GOLGA1: variants seen among roughly 807,000 people sequenced by gnomAD.
GOLGA1 encodes the protein golgin subfamily A member 1.
In GOLGA1, 63 loss-of-function variants were observed where a neutral mutation model predicts 119.7. The ratio of observed to expected loss-of-function variants is 0.53; its 90% CI spans 0.43 to 0.65. The LOEUF (loss-of-function observed/expected upper bound fraction) is 0.65. Among genes scored for constraint, GOLGA1 ranks in the 30% least tolerant of loss-of-function variants. The probability of loss-of-function intolerance (pLI) is 0.00; values close to 1 mark genes in which losing one functional copy is unlikely to be tolerated. For missense variants in GOLGA1, 798 were observed against 912.8 expected, an observed-to-expected ratio of 0.87 and a Z score of 1.62; for synonymous variants, 318 against 333.4, an observed-to-expected ratio of 0.95 and a Z score of 0.50.
At chr9:124,932,881 A>G (rs535835538) in intron 3 of GOLGA1, among the ~76,000 whole-genome samples, 1 of 152,192 alleles carries the variant, frequency 6.6e-6, no homozygotes, top group African/African-American at 2.4e-5. Flanking sequence ...CCTCTTTTGT[A>G]AGAGCACTAA....
rs769975777 is a variant in GOLGA1, at chr9:124,938,749, T to A, written c.-38A>T. ...GCTATCCTGCACAGATGACGAGCTCTCAGTAGTCCTGGTGCCTGTGTTCAG... is the reference window on the plus strand; with the variant it reads ...GCTATCCTGCACAGATGACGAGCTCACAGTAGTCCTGGTGCCTGTGTTCAG... On this transcript the variant is annotated 5_prime_UTR_variant, in exon 3 of 23. Coordinates refer to ENST00000373555, the MANE Select transcript of GOLGA1 (RefSeq NM_002077.4). 1 of 1,582,662 alleles carries A rather than the reference T, an allele frequency of 6.3e-7. No homozygotes were observed. The highest frequency in any genetic ancestry group is 1.4e-5 in the African/African-American group (1 of 73,590).
chr9:124,902,378 C>T (rs1360750487), intron 12 of GOLGA1, among the ~76,000 whole-genome samples: 1 of 151,700 alleles, frequency 6.6e-6, no homozygotes, highest in South Asian at 2.1e-4. Context: ...TCCCAAAGTG[C>T]TGGGATTACA....
At chr9:124,904,756 A>G (rs78939089) in intron 12 of GOLGA1, among the ~76,000 whole-genome samples, 9,189 of 152,176 alleles carry the variant, frequency 0.06, 694 homozygotes, top group East Asian at 0.23. Flanking sequence ...CCTGGCCAAC[A>G]TGGTGAAACC....
intron 12 of GOLGA1, among the ~76,000 whole-genome samples, chr9:124,902,550 GA>G (rs1425876855): frequency 6.6e-6 from 1 of 151,088 alleles, no homozygotes; most frequent in Non-Finnish European, 1.5e-5. Context: ...GCAGTGGCGC[GA>G]TCTCGGCTCA....
chr9:124,907,049 A>G (rs961322297), intron 12 of GOLGA1, among the ~76,000 whole-genome samples: 3 of 152,192 alleles, frequency 2.0e-5, no homozygotes, highest in African/African-American at 7.2e-5. Context: ...ATAAATAGTT[A>G]AAGTCAACCT....
intron 10 of GOLGA1, among the ~76,000 whole-genome samples, chr9:124,917,452 C>T (rs1376255614): frequency 6.6e-6 from 1 of 152,178 alleles, no homozygotes; most frequent in East Asian, 1.9e-4. Flanking sequence ...CATAAAAATA[C>T]AGACTTTTCT....
chr9:124,935,002 G>A (rs1485451620), intron 3 of GOLGA1, among the ~76,000 whole-genome samples: 1 of 152,060 alleles, frequency 6.6e-6, no homozygotes, highest in African/African-American at 2.4e-5. Context: ...GGCTGTGATC[G>A]GGCCACTGCA....
chr9:124,894,159 C>T (rs952794896), intron 15 of GOLGA1, among the ~76,000 whole-genome samples: 1 of 152,198 alleles, frequency 6.6e-6, no homozygotes, highest in African/African-American at 2.4e-5. Flanking sequence ...GCTTTCTGCC[C>T]TGTACTTCCA....
In GOLGA1 at chr9:124,931,377, ATCT is replaced by A. The variant is rs780840817; in HGVS notation, c.162_164del (p.Glu54del). 1 of 1,597,202 alleles carries A rather than the reference ATCT, an allele frequency of 6.3e-7. No homozygotes were observed. The highest frequency in any genetic ancestry group is 8.6e-7 in the Non-Finnish European group (1 of 1,164,708). ...TCCTTCTCAGAAGCTGGGATGAAAG[ATCT>A]TCTCTGGAGCTGCTTCCATCGGAAG... is the stretch of plus-strand genomic sequence containing the variant. On this transcript the variant is annotated inframe_deletion, in exon 4 of 23. Transcript: ENST00000373555.
chr9:124,880,541 G>A lies in GOLGA1; in HGVS notation c.2293C>T (p.Pro765Ser), dbSNP rs1829550638. 1 of 1,596,992 alleles carries A rather than the reference G, an allele frequency of 6.3e-7. No homozygotes were observed. The change falls in exon 23 of 23, where the codon CCA becomes TCA. Residue 765 changes from proline to serine, a missense_variant. By Grantham distance (74) the Pro-to-Ser change is moderately conservative. Coordinates refer to ENST00000373555, the MANE Select transcript of GOLGA1 (RefSeq NM_002077.4). ...TTGGGTAGTCCCCTCTAGGACCATG[G>A]TATCCGAGGGTTTGAGATAGACGGC... ...IRPSISNPRI[P>S]WS is the part of the protein sequence containing the mutation.
Position 124,924,742 on chromosome 9 carries a change from T to A in GOLGA1, c.433-1519A>T, listed in dbSNP as rs369248453. On this transcript the variant is annotated intron_variant, in intron 7 of 22. Transcript: ENST00000373555. ...AAAAAAAAAAAAAAAACTTTAACGATGAAAAGTAGCTTCGAAGACCTATAT... is the reference window on the plus strand; with the variant it reads ...AAAAAAAAAAAAAAAACTTTAACGAAGAAAAGTAGCTTCGAAGACCTATAT... 6.1e-5 allele frequency among the ~76,000 whole-genome samples: 9 copies of A among 148,700 alleles called. No individual in the cohort carries two copies. The East Asian group carries it at 1.4e-3, about 23-fold the overall frequency.
At chr9:124,912,703 C>T (rs1301369278) in intron 10 of GOLGA1, among the ~76,000 whole-genome samples, 9 of 152,110 alleles carry the variant, frequency 5.9e-5, no homozygotes, top group Admixed American at 2.0e-4. Flanking sequence ...CCACCACACC[C>T]GGCTAATTTT....
intron 19 of GOLGA1, among the ~76,000 whole-genome samples, chr9:124,883,816 G>A (rs1379433686): frequency 6.6e-6 from 1 of 151,950 alleles, no homozygotes. Flanking sequence ...TTGAACTCCT[G>A]GGCTCAAGCA....
intron 15 of GOLGA1, among the ~76,000 whole-genome samples, chr9:124,896,114 C>T (rs546053848): frequency 6.6e-6 from 1 of 152,288 alleles, no homozygotes; most frequent in East Asian, 1.9e-4. Context: ...ATTCCTAAGT[C>T]CTAAAAGCTC....
At chr9:124,894,380 TTGTGTGTGTGTGTG>T (rs35289660) in intron 15 of GOLGA1, among the ~76,000 whole-genome samples, 14 of 147,722 alleles carry the variant, frequency 9.5e-5, no homozygotes, top group Non-Finnish European at 1.3e-4. Flanking sequence ...ATTTAAAGTT[TTGTGTGTGTGTGTG>T]TGTGTGTGTG....
At chr9:124,898,677 T>C (rs1470689488) in intron 14 of GOLGA1, 33 bp from the exon 15 acceptor site, 1 of 1,245,262 alleles carries the variant, frequency 8.0e-7, no homozygotes, top group South Asian at 1.2e-5. Flanking sequence ...ATAAAAGAAG[T>C]CTTCACTACC....
Position 124,923,177 on chromosome 9 carries a change from C to T in GOLGA1, c.479G>A (p.Ser160Asn), listed in dbSNP as rs1564341288. ...ATCTCTCCTTTGGAAAAGATTCATA[C>T]TCTGGTTCTTCATTTCCTGTAACTG... ...TAQLQEMKNQ[S>N]MNLFQRRDEM... The change falls in exon 8 of 23, where the codon AGT becomes AAT. Residue 160 changes from serine (S) to asparagine (N), a missense_variant. Coordinates refer to ENST00000373555, the MANE Select transcript of GOLGA1 (RefSeq NM_002077.4). The T allele has an allele frequency of 3.1e-6, 5 of 1,597,542 alleles. No individual in the cohort carries two copies.
chr9:124,937,602 G>C (rs911560926), intron 3 of GOLGA1, among the ~76,000 whole-genome samples: 5 of 149,256 alleles, frequency 3.3e-5, no homozygotes, highest in Admixed American at 2.7e-4. Flanking sequence ...CTGCACTCCG[G>C]CCTGGCTGAC....
intron 6 of GOLGA1, 62 bp downstream of exon 6, chr9:124,928,126 T>C: frequency 1.4e-6 from 1 of 705,474 alleles, no homozygotes. Flanking sequence ...TCATGATTTT[T>C]GAAATCACGT....
Sources: gnomAD v4.1 joint callset for allele counts (sites outside exome capture counted in the v4.1 genomes callset) on GRCh38, gnomAD v4.1.1 for gene constraint, MANE v1.5 for transcripts, NCBI Gene and HGNC (gene_info 2026-07-23, HGNC 2026-07-21) for gene names.